Variants in CYP7B1 observed in about 807,000 individuals in gnomAD.
CYP7B1 encodes cytochrome P450 7B1.
CYP7B1 carries 29 observed loss-of-function variants against 42.7 expected under a neutral mutation model. The ratio of observed to expected loss-of-function variants is 0.68; its 90% confidence interval spans 0.51 to 0.93. The LOEUF is 0.93. CYP7B1 is among the 40% of genes least tolerant of loss of function. The probability of loss-of-function intolerance (pLI) is 0.00; values close to 1 mark genes in which losing one functional copy is unlikely to be tolerated. For missense variants in CYP7B1, 655 were observed against 600.5 expected (o/e 1.09, Z -0.95); for synonymous variants, 235 against 218.2 (o/e 1.08, Z -0.68).
At chr8:64,780,751 T>C (rs1370588871) in intron 1 of CYP7B1, among the ~76,000 whole-genome samples, 1 of 152,160 alleles carries the variant, frequency 6.6e-6, no homozygotes, top group Non-Finnish European at 1.5e-5. Flanking sequence ...CAAGAAGTTG[T>C]TAATTTTTCT....
intron 1 of CYP7B1, among the ~76,000 whole-genome samples, chr8:64,764,525 A>G (rs1807942250): frequency 6.6e-6 from 1 of 152,164 alleles, no homozygotes; most frequent in Non-Finnish European, 1.5e-5. Context: ...TTGATAATTG[A>G]AGGCCTTCTC....
chr8:64,589,298 T>C (rs575036553), downstream of CYP7B1, among the ~76,000 whole-genome samples: 2 of 152,358 alleles, frequency 1.3e-5, no homozygotes, highest in South Asian at 4.1e-4. Context: ...CTGCAAGCAT[T>C]GTTTAGTCCG....
chr8:64,644,244 C>A (rs1362206990), intron 1 of CYP7B1, among the ~76,000 whole-genome samples: 2 of 151,188 alleles, frequency 1.3e-5, no homozygotes, highest in Non-Finnish European at 2.9e-5. Flanking sequence ...TGCACTCCAG[C>A]CTGGGCGACA....
intron 1 of CYP7B1, among the ~76,000 whole-genome samples, chr8:64,700,355 C>A (rs1312103280): frequency 6.6e-6 from 1 of 152,062 alleles, no homozygotes; most frequent in Non-Finnish European, 1.5e-5. Context: ...TGTCCAGTGG[C>A]ACAAAAGGTC....
chr8:64,626,381 T>C (rs1298601639), intron 1 of CYP7B1, among the ~76,000 whole-genome samples: 2 of 152,172 alleles, frequency 1.3e-5, no homozygotes, highest in Non-Finnish European at 2.9e-5. Flanking sequence ...AGAGTAAAGC[T>C]CTTTGTTATC....
intron 1 of CYP7B1, among the ~76,000 whole-genome samples, chr8:64,700,923 TTTG>T (rs35437465): frequency 0.61 from 91,521 of 151,036 alleles, 28,637 homozygotes; most frequent in Middle Eastern, 0.68. Flanking sequence ...TTAGTCACTT[TTTG>T]TTGTTGTTGT....
intron 2 of CYP7B1, among the ~76,000 whole-genome samples, chr8:64,618,518 CAT>C (rs1159474150): frequency 4.6e-5 from 7 of 152,080 alleles, no homozygotes; most frequent in Admixed American, 2.0e-4. Flanking sequence ...AGGCTGTACA[CAT>C]GTTACAATTT....
chr8:64,682,286 G>T (rs1183248581), intron 1 of CYP7B1, among the ~76,000 whole-genome samples: 2 of 152,208 alleles, frequency 1.3e-5, no homozygotes, highest in Non-Finnish European at 2.9e-5. Context: ...GAGGTGGGAT[G>T]AAGCCAGGTT....
chr8:64,604,829 C>T lies in CYP7B1; in HGVS notation c.1086G>A (p.Leu362=), dbSNP rs748884406. 6.2e-7 allele frequency: 1 copy of T among 1,613,968 alleles called. No homozygotes were observed. ...AACGAATGGTGGTTGAATATGAGGACAGTCGTAAAGCTTCAAAAATGCTGC... is the reference window on the plus strand; with the variant it reads ...AACGAATGGTGGTTGAATATGAGGATAGTCGTAAAGCTTCAAAAATGCTGC... ...LESSIFEALR[L]SSYSTTIRFV... is the part of the protein sequence containing the mutation. The change falls in exon 5 of 6, where the codon CTG becomes CTA. Residue 362 remains leucine, a synonymous_variant. Transcript: ENST00000310193.
In CYP7B1 at chr8:64,771,821, A is replaced by G. The variant is rs75888102; in HGVS notation, c.122+26645T>C. ...ATTAGCACAATCCTCTGCCTGCTCC[A>G]TACTTTGCCCATGCAGCTGAACATG... On this transcript the variant is annotated intron_variant, in intron 1 of 5. Coordinates refer to ENST00000310193, the MANE Select transcript of CYP7B1 (RefSeq NM_004820.5). Among the ~76,000 whole-genome samples the G allele has an allele frequency of 5.7e-3, 866 of 152,340 alleles. 9 individuals carry two copies. Among genetic ancestry groups the G allele is most frequent in the African/African-American group, 0.02 (831 of 41,580 alleles).
At position 64,685,792 on chromosome 8, in the gene CYP7B1, C is replaced by G. The variant is rs1806622497; in HGVS notation, c.123-61253G>C. Among the ~76,000 whole-genome samples the G allele has an allele frequency of 7.0e-5, 4 of 57,130 alleles. 1 individual carries two copies. The South Asian group carries it at 1.8e-3, about 26-fold the overall frequency. The allele number at this position is 57,130 out of a possible 152,430, so 37.5% of individuals were successfully genotyped here. On this transcript the variant is annotated intron_variant, in intron 1 of 5. Transcript: ENST00000310193. ...GGGAGGTGGGGGGGGGTCAGCCCCC[C>G]CGCCCGGCCAGCCGTGCCATCCGGG...
chr8:64,739,784 A>C (rs1379041162), intron 1 of CYP7B1, among the ~76,000 whole-genome samples: 2 of 152,188 alleles, frequency 1.3e-5, no homozygotes, highest in Admixed American at 1.3e-4. Context: ...AAAAACAAAT[A>C]GATTAGAGAA....
downstream of CYP7B1, among the ~76,000 whole-genome samples, chr8:64,588,705 T>G (rs1804999345): frequency 4.6e-5 from 7 of 152,248 alleles, no homozygotes; most frequent in South Asian, 1.4e-3. Flanking sequence ...TAATAAATCA[T>G]GCATTGTCCA....
chr8:64,609,923 C>G (rs1249003057), intron 4 of CYP7B1, among the ~76,000 whole-genome samples: 1 of 152,036 alleles, frequency 6.6e-6, no homozygotes, highest in African/African-American at 2.4e-5. Flanking sequence ...ACCTAGGGAG[C>G]TTTTTTTAAA....
intron 4 of CYP7B1, among the ~76,000 whole-genome samples, chr8:64,609,859 A>G (rs536112456): frequency 1.3e-5 from 2 of 152,348 alleles, no homozygotes; most frequent in African/African-American, 2.4e-5. Context: ...GAACCACTGC[A>G]TTAACTAAAA....
intron 1 of CYP7B1, among the ~76,000 whole-genome samples, chr8:64,647,367 G>A (rs540709447): frequency 2.6e-4 from 40 of 152,218 alleles, no homozygotes; most frequent in Non-Finnish European, 4.4e-5. Context: ...AAGATATGAA[G>A]TGAGCACATG....
At chr8:64,789,501 C>G (rs1804583117) in intron 1 of CYP7B1, among the ~76,000 whole-genome samples, 1 of 152,208 alleles carries the variant, frequency 6.6e-6, no homozygotes, top group South Asian at 2.1e-4. Flanking sequence ...TTCCCTCTAA[C>G]TACAAGCAAG....
intron 1 of CYP7B1, among the ~76,000 whole-genome samples, chr8:64,688,685 G>A (rs575487380): frequency 8.5e-5 from 13 of 152,296 alleles, no homozygotes; most frequent in Admixed American, 5.9e-4. Context: ...AGCACTTTGG[G>A]AGGCTGAGGC....
chr8:64,715,859 A>G (rs1312532492), intron 1 of CYP7B1, among the ~76,000 whole-genome samples: 1 of 152,260 alleles, frequency 6.6e-6, no homozygotes, highest in Non-Finnish European at 1.5e-5. Flanking sequence ...TAAGTTCCCT[A>G]TGATTTGTTC....
Sources: allele counts gnomAD v4.1 joint callset (sites outside exome capture counted in the v4.1 genomes callset), GRCh38; gene constraint gnomAD v4.1.1; transcripts MANE v1.5; gene names NCBI Gene and HGNC (gene_info 2026-07-23, HGNC 2026-07-21).